Variants in SVOPL observed in about 807,000 individuals in gnomAD.
The protein encoded by SVOPL is SVOP like.
A neutral mutation model predicts 61.0 loss-of-function variants in SVOPL; 60 were observed. That is an observed-to-expected ratio of 0.98 (90% CI 0.80 to 1.22). The LOEUF is 1.22. Among genes scored for constraint, SVOPL ranks in the 50% most tolerant of loss-of-function variants. The pLI is 0.00. For synonymous variants in SVOPL, 279 were observed against 250.0 expected, an observed-to-expected ratio of 1.12 and a Z score of -1.09; for missense variants, 662 against 643.9, an observed-to-expected ratio of 1.03 and a Z score of -0.30.
At chr7:138,661,401 A>G (rs1801993540) in intron 5 of SVOPL, 5 of 985,428 alleles carry the variant, frequency 5.1e-6, no homozygotes, top group Non-Finnish European at 6.0e-6. Context: ...TTGAGAGAGA[A>G]AAGCGGCTCA....
intron 1 of SVOPL, among the ~76,000 whole-genome samples, chr7:138,693,200 AAC>A (rs1802981863): frequency 6.6e-6 from 1 of 152,108 alleles, no homozygotes; most frequent in African/African-American, 2.4e-5. Context: ...GAAAACTAAA[AAC>A]ACACAATAAA....
chr7:138,611,202 C>A (rs1673219), intron 14 of SVOPL, among the ~76,000 whole-genome samples: 99,914 of 152,088 alleles, frequency 0.66, 34,042 homozygotes, highest in East Asian at 1. Context: ...ACATGGCAAA[C>A]CCTCGTCTCT....
chr7:138,678,475 G>C lies in SVOPL; in HGVS notation c.133C>G (p.Arg45Gly). 1 of 1,551,786 alleles carries C rather than the reference G, an allele frequency of 6.4e-7. No individual in the cohort carries two copies. The highest frequency in any genetic ancestry group is 8.7e-7 in the Non-Finnish European group (1 of 1,147,014). ...ATCAGAAAGAGGGCAATGTGGAAAC[G>C]CCCGAAGCCGATAGTCTCCACTGCA... ...EDAVETIGFG[R>G]FHIALFLIMG... The change falls in exon 3 of 16, where the codon CGT becomes GGT. Residue 45 changes from arginine (R) to glycine (G), a missense_variant. Physicochemically the swap from Arg to Gly is moderately radical, Grantham distance 125. Coordinates refer to ENST00000674285, the MANE Select transcript of SVOPL (RefSeq NM_001139456.2).
chr7:138,618,488 C>T (rs1324511735), intron 14 of SVOPL, among the ~76,000 whole-genome samples: 2 of 152,166 alleles, frequency 1.3e-5, no homozygotes, highest in East Asian at 1.9e-4. Flanking sequence ...CGCGAAACCC[C>T]GTCTCTACTA....
intron 6 of SVOPL, 92 bp downstream of exon 6, chr7:138,659,758 TATGTTGGGTTCACA>T (rs1563126124): frequency 9.0e-7 from 1 of 1,105,860 alleles, no homozygotes; most frequent in Non-Finnish European, 1.3e-6. Flanking sequence ...CTGTCTCAGA[TATGTTGGGTTCACA>T]ATGCTTTTGG....
At chr7:138,679,114 T>C in intron 1 of SVOPL, 35 bp from the exon 2 acceptor site, 1 of 1,408,254 alleles carries the variant, frequency 7.1e-7, no homozygotes, top group South Asian at 1.2e-5. Context: ...AGGAAAGAAA[T>C]ATAATGGTTA....
At chr7:138,626,385 C>T (rs1167622010) in intron 12 of SVOPL, among the ~76,000 whole-genome samples, 1 of 152,052 alleles carries the variant, frequency 6.6e-6, no homozygotes, top group Non-Finnish European at 1.5e-5. Flanking sequence ...CAAGACTAGC[C>T]TCAGCAACAT....
intron 9 of SVOPL, among the ~76,000 whole-genome samples, chr7:138,635,409 T>TA (rs199914450): frequency 0.014 from 2,059 of 151,206 alleles, 27 homozygotes; most frequent in Non-Finnish European, 0.022. Context: ...TTTTTTTTTT[T>TA]AAATAGAGAT....
chr7:138,621,914 C>G lies in SVOPL; in HGVS notation c.1264-779G>C, dbSNP rs866946793. On this transcript the variant is annotated intron_variant, in intron 13 of 15. Transcript: ENST00000674285. ...TCTATCTATCTATCTATGTATCTAT[C>G]TATGTATCTATCTATGTATCTATCT... Among the ~76,000 whole-genome samples the G allele has an allele frequency of 1.9e-3, 150 of 80,996 alleles. 2 individuals carry two copies. Among genetic ancestry groups the G allele is most frequent in the African/African-American group, 7.0e-3 (137 of 19,462 alleles). The allele number at this position is 80,996 out of a possible 152,430, so 53.1% of individuals were successfully genotyped here.
intron 1 of SVOPL, among the ~76,000 whole-genome samples, chr7:138,680,023 G>A: frequency 6.6e-6 from 1 of 152,174 alleles, no homozygotes; most frequent in African/African-American, 2.4e-5. Context: ...TGAGCCTGGG[G>A]CCAGACGCAG....
intron 12 of SVOPL, 71 bp from the exon 13 acceptor site, chr7:138,626,121 A>G: frequency 1.4e-6 from 2 of 1,438,714 alleles, no homozygotes; most frequent in Non-Finnish European, 1.9e-6. Context: ...CCCAGCTTCG[A>G]GTGCACTGTG....
chr7:138,690,721 C>T (rs1802920578), intron 1 of SVOPL, among the ~76,000 whole-genome samples: 1 of 151,954 alleles, frequency 6.6e-6, no homozygotes, highest in South Asian at 2.1e-4. Context: ...GATGGTTGCA[C>T]AACCTTGTGA....
At chr7:138,675,573 C>T (rs1405982176) in intron 3 of SVOPL, among the ~76,000 whole-genome samples, 2 of 152,052 alleles carry the variant, frequency 1.3e-5, no homozygotes, top group Non-Finnish European at 2.9e-5. Context: ...TAAGATTGGT[C>T]TCCAACTCCT....
rs930426414 is a variant in SVOPL, at chr7:138,661,006, T to C, written c.346-1018A>G. On this transcript the variant is annotated intron_variant, in intron 5 of 15. Transcript: ENST00000674285. Reference sequence around the variant, plus strand: ...ACTTTAATGTTTTTTCAAAGTTTCTTGATAATTTGTATTTCTTTTATAAAA... The same window carrying C: ...ACTTTAATGTTTTTTCAAAGTTTCTCGATAATTTGTATTTCTTTTATAAAA... The C allele has an allele frequency of 4.1e-6, 4 of 982,904 alleles. No homozygotes were observed. In the African/African-American group the frequency reaches 7.0e-5, roughly 17 times the overall value. The allele number at this position is 982,904 out of a possible 1,614,324, so 60.9% of individuals were successfully genotyped here. A position where few individuals can be genotyped will look rare whatever the true frequency, so the allele number is the denominator to read the frequency against.
At position 138,662,808 on chromosome 7, in the gene SVOPL, C is replaced by G. The variant is rs560140400; in HGVS notation, c.345+266G>C. On this transcript the variant is annotated intron_variant, in intron 5 of 15. Transcript: ENST00000674285. ...AGCGGCCTTCCTTCCTTTAATCCTT[C>G]TGGGTAGAGATTTCTTAGAACTCTA... 4.1e-5 allele frequency: 52 copies of G among 1,270,702 alleles called. No homozygotes were observed. In the African/African-American group the frequency reaches 7.8e-4, roughly 19 times the overall value. 78.7% of individuals were successfully genotyped at this position (1,270,702 alleles called of 1,614,324 possible). A position where few individuals can be genotyped will look rare whatever the true frequency, so the allele number is the denominator to read the frequency against.
intron 10 of SVOPL, among the ~76,000 whole-genome samples, 187 bp from the exon 11 acceptor site, chr7:138,628,550 C>A (rs4728438): frequency 6.6e-6 from 1 of 152,128 alleles, no homozygotes; most frequent in Non-Finnish European, 1.5e-5. Context: ...ACATGCCTGT[C>A]GGGTGTAAAC....
intron 1 of SVOPL, among the ~76,000 whole-genome samples, chr7:138,682,929 T>C (rs1802729260): frequency 1.4e-5 from 2 of 142,152 alleles, no homozygotes; most frequent in African/African-American, 5.5e-5. Flanking sequence ...GATCAAGCCA[T>C]TGCACCCCAG....
intron 14 of SVOPL, among the ~76,000 whole-genome samples, chr7:138,606,337 G>A (rs1798756831): frequency 6.6e-6 from 1 of 152,122 alleles, no homozygotes; most frequent in African/African-American, 2.4e-5. Context: ...TCTCCACTGT[G>A]GAGAGGGGAC....
chr7:138,669,581 C>T lies in SVOPL; in HGVS notation c.273+2438G>A, dbSNP rs77065870. Among the ~76,000 whole-genome samples, 556 of 152,314 alleles carry T rather than the reference C, an allele frequency of 3.7e-3. 9 individuals are homozygous for T. Among genetic ancestry groups the T allele is most frequent in the African/African-American group, 0.012 (517 of 41,560 alleles). ...CTCTGAGGGCAGCTCCCAGAGATCA[C>T]CTGGATAACAGAACAACCTTTGTTC... On this transcript the variant is annotated intron_variant, in intron 4 of 15. Transcript: ENST00000674285.
Sources: gnomAD v4.1 joint callset for allele counts (sites outside exome capture counted in the v4.1 genomes callset) on GRCh38, gnomAD v4.1.1 for gene constraint, MANE v1.5 for transcripts, NCBI Gene and HGNC (gene_info 2026-07-23, HGNC 2026-07-21) for gene names.